DENND1C: variants seen among roughly 807,000 people sequenced by gnomAD.
DENND1C encodes the protein DENN domain containing 1C.
Under a neutral mutation model 87.9 loss-of-function variants are expected in DENND1C, and 64 were observed. The observed-to-expected ratio is 0.73, with a 90% CI of 0.60 to 0.90. The LOEUF (loss-of-function observed/expected upper bound fraction) is 0.90. DENND1C is among the 40% of genes least tolerant of loss of function. DENND1C has a pLI of 0.00. For synonymous variants in DENND1C, 384 were observed against 424.4 expected, an observed-to-expected ratio of 0.90 and a Z score of 1.17; for missense variants, 980 against 1,037.0, an observed-to-expected ratio of 0.95 and a Z score of 0.76.
chr19:6,478,630 G>T (rs138297482), intron 6 of DENND1C, among the ~76,000 whole-genome samples, 153 bp downstream of exon 6: 111 of 151,874 alleles, frequency 7.3e-4, no homozygotes, highest in African/African-American at 2.6e-3. Context: ...AGGGCTCAAG[G>T]GATCCTCCCA....
In DENND1C at chr19:6,471,426, G is replaced by A; in HGVS notation, c.1229C>T (p.Thr410Ile). ...GFSDQFEQEI[T>I]GCGASSGALR... ...CTCACCTGAGGAGGCCCCGCAGCCA[G>A]TGATCTCCTGCTCGAATTGATCTGA... The change falls in exon 16 of 23, where the codon ACT becomes ATT. Residue 410 changes from threonine to isoleucine, a missense_variant. Transcript: ENST00000381480. 6.3e-7 allele frequency: 1 copy of A among 1,587,694 alleles called. No individual in the cohort carries two copies. The highest frequency in any genetic ancestry group is 8.6e-7 in the Non-Finnish European group (1 of 1,167,034).
Position 6,472,920 on chromosome 19 carries a change from C to G in DENND1C, c.1127G>C (p.Arg376Pro). Reference protein sequence around the residue: ...KPGAPLQAFHRRAVHLQLFKQ... With the variant: ...KPGAPLQAFHPRAVHLQLFKQ... ...GAACAGCTGCAGGTGCACAGCCCGC[C>G]GGTGGAAGGCCTGCAGAGGTGCCCC... Residue 376 changes from arginine (R) to proline (P), a missense_variant, in exon 15 of 23, where the codon CGG becomes CCG. By Grantham distance (103) the Arg-to-Pro change is moderately radical. Transcript: ENST00000381480. 3.8e-6 allele frequency: 6 copies of G among 1,590,800 alleles called. No individual in the cohort carries two copies. Among genetic ancestry groups the G allele is most frequent in the Non-Finnish European group, 4.3e-6 (5 of 1,169,766 alleles).
chr19:6,475,391 C>G lies in DENND1C; in HGVS notation c.936G>C (p.Leu312=), dbSNP rs1338048444. 1 of 1,611,484 alleles carries G rather than the reference C, an allele frequency of 6.2e-7. No homozygotes were observed. Among genetic ancestry groups the G allele is most frequent in the Admixed American group, 1.7e-5 (1 of 59,806 alleles). The change falls in exon 14 of 23, where the codon CTG becomes CTC. Residue 312 remains leucine, a synonymous_variant. Coordinates refer to ENST00000381480, the MANE Select transcript of DENND1C (RefSeq NM_024898.4). The part of the protein sequence containing the change: ...VQALPPDVVS[L]LRLRLRKVAL... ...CGACCTTCCTGAGCCGGAGCCTCAG[C>G]AGGGACACCTGAAGCACAAGGGAGT...
At position 6,480,033 on chromosome 19, in the gene DENND1C, C is replaced by G; in HGVS notation, c.36G>C (p.Val12=). 1 of 1,548,190 alleles carries G rather than the reference C, an allele frequency of 6.5e-7. No individual in the cohort carries two copies. The highest frequency in any genetic ancestry group is 8.8e-7 in the Non-Finnish European group (1 of 1,141,050). Residue 12 remains valine, a synonymous_variant, in exon 2 of 23, where the codon GTG becomes GTC. Coordinates refer to ENST00000381480, the MANE Select transcript of DENND1C (RefSeq NM_024898.4). ...AGGCCGCTTCGAAGAACCAATCAAA[C>G]ACAGCAGGGGAGCCCCCTCTGTGGG... ...ESRAEGGSPA[V]FDWFFEAACP...
chr19:6,468,682 G>T, intron 20 of DENND1C, 37 bp from the exon 21 acceptor site: 1 of 1,444,658 alleles, frequency 6.9e-7, no homozygotes, highest in Non-Finnish European at 9.2e-7. Context: ...TCAGGAGACT[G>T]CAGAATCGGG....
intron 14 of DENND1C, among the ~76,000 whole-genome samples, chr19:6,473,292 C>T (rs532548238): frequency 5.0e-4 from 76 of 152,044 alleles, no homozygotes; most frequent in African/African-American, 1.8e-3. Context: ...GTAGCTGGGA[C>T]TACAGGCACG....
chr19:6,478,730 G>A, intron 6 of DENND1C, 53 bp downstream of exon 6: 1 of 1,564,016 alleles, frequency 6.4e-7, no homozygotes, highest in Non-Finnish European at 8.7e-7. Flanking sequence ...TTGGGAGGTT[G>A]AGGGGGGTGG....
At chr19:6,479,571 T>C (rs2092886206) in intron 4 of DENND1C, 98 bp downstream of exon 4, 1 of 1,493,906 alleles carries the variant, frequency 6.7e-7, no homozygotes, top group Non-Finnish European at 9.3e-7. Flanking sequence ...TCCTCGAGTG[T>C]ATGGGTTTCC....
rs373035364 is a variant in DENND1C, at chr19:6,479,737, G to C, written c.127-19C>G. The C allele has an allele frequency of 1.0e-4, 166 of 1,613,858 alleles. No individual in the cohort carries two copies. The Middle Eastern group carries it at 4.0e-3, about 38-fold the overall frequency. ...TAGCTTCCTGGAGGTGAAGAAAAGC[G>C]CAGACTGCTTGGCCACTGAGGTCGG... On this transcript the variant is annotated intron_variant, in intron 3 of 22. Coordinates refer to ENST00000381480, the MANE Select transcript of DENND1C (RefSeq NM_024898.4).
At position 6,480,070 on chromosome 19, in the gene DENND1C, G is replaced by A. The variant is rs1225295030; in HGVS notation, c.18-19C>T. On this transcript the variant is annotated intron_variant, in intron 1 of 22. Transcript: ENST00000381480. ...GCCCCCTCTGTGGGATGCAGAAGGG[G>A]TCCAGAGACTTGCTTCTATGCATGT... is the stretch of plus-strand genomic sequence containing the variant. The A allele has an allele frequency of 1.3e-6, 2 of 1,598,820 alleles. No homozygotes were observed. The highest frequency in any genetic ancestry group is 8.5e-7 in the Non-Finnish European group (1 of 1,173,762).
intron 10 of DENND1C, 97 bp downstream of exon 10, chr19:6,476,760 C>T (rs1039411618): frequency 2.1e-5 from 26 of 1,257,156 alleles, no homozygotes; most frequent in Admixed American, 1.3e-4. Flanking sequence ...TCGGGTCTCG[C>T]GCAGTAGGGT....
At chr19:6,476,738 A>C in intron 10 of DENND1C, 119 bp downstream of exon 10, 1 of 1,041,068 alleles carries the variant, frequency 9.6e-7, no homozygotes, top group East Asian at 2.6e-5. Flanking sequence ...GGGCGGGGCC[A>C]GGACTTCGCC....
chr19:6,479,171 C>T (rs2145213589), intron 4 of DENND1C, 115 bp from the exon 5 acceptor site: 1 of 1,421,522 alleles, frequency 7.0e-7, no homozygotes, highest in African/African-American at 1.4e-5. Flanking sequence ...TTGTCAGGAT[C>T]CCTGAATGTC....
At position 6,477,230 on chromosome 19, in the gene DENND1C, C is replaced by T. The variant is rs770369222; in HGVS notation, c.501G>A (p.Gly167=). The change falls in exon 8 of 23, where the codon GGG becomes GGA. Residue 167 remains glycine (G), a synonymous_variant. Coordinates refer to ENST00000381480, the MANE Select transcript of DENND1C (RefSeq NM_024898.4). ...SGQGIPPPTR[G]NSKPLSCFVA... is the part of the protein sequence containing the mutation. The stretch of plus-strand genomic sequence containing the variant: ...GAGCCCCGCTCACCGGCTTGCTATT[C>T]CCCCGGGTAGGGGGGGGGATACCCT... 1.9e-5 allele frequency: 30 copies of T among 1,584,258 alleles called. No individual in the cohort carries two copies. The South Asian group carries it at 2.6e-4, about 14-fold the overall frequency.
At position 6,468,189 on chromosome 19, in the gene DENND1C, G is replaced by A. The variant is rs569328414; in HGVS notation, c.1791+45C>T. Reference sequence around the variant, plus strand: ...GGCTGGCAAGTTGGATGGACCATTAGGGGAAGACTTGGGGTAGGGTTGGGG... The same window carrying A: ...GGCTGGCAAGTTGGATGGACCATTAAGGGAAGACTTGGGGTAGGGTTGGGG... On this transcript the variant is annotated intron_variant, in intron 22 of 22. Transcript: ENST00000381480. The A allele has an allele frequency of 2.5e-5, 41 of 1,612,478 alleles. No homozygotes were observed. In the African/African-American group the frequency reaches 3.3e-4, roughly 13 times the overall value.
At chr19:6,469,775 A>C in intron 18 of DENND1C, 135 bp from the exon 19 acceptor site, 2 of 831,468 alleles carry the variant, frequency 2.4e-6, no homozygotes, top group South Asian at 3.1e-5. Context: ...CCCCCCATAC[A>C]CCACCTAAGA....
intron 19 of DENND1C, chr19:6,469,357 T>G: frequency 2.0e-6 from 1 of 506,136 alleles, no homozygotes; most frequent in Non-Finnish European, 3.5e-6. Flanking sequence ...TGAGACAGGG[T>G]CTCTCTGTCA....
Position 6,475,898 on chromosome 19 carries a change from G to C in DENND1C, c.718C>G (p.Pro240Ala). The C allele has an allele frequency of 6.4e-7, 1 of 1,567,550 alleles. No homozygotes were observed. The highest frequency in any genetic ancestry group is 8.6e-7 in the Non-Finnish European group (1 of 1,165,860). ...ATCAGCACGTGCTCCCAGCGCATGG[G>C]GTACAGGAGCGCGCAGGACGCGTGG... ...CVHASCALLY[P>A]MRWEHVLIPT... The change falls in exon 11 of 23, where the codon CCC becomes GCC. Residue 240 changes from proline to alanine, a missense_variant. By Grantham distance (27) the Pro-to-Ala change is conservative. Coordinates refer to ENST00000381480, the MANE Select transcript of DENND1C (RefSeq NM_024898.4).
At chr19:6,473,898 G>A (rs149524326) in intron 14 of DENND1C, among the ~76,000 whole-genome samples, 2,103 of 152,138 alleles carry the variant, frequency 0.014, 49 homozygotes, top group African/African-American at 0.048. Flanking sequence ...ATAAAGCAGA[G>A]GGCTGCTTGC....
Sources: allele counts gnomAD v4.1 joint callset (sites outside exome capture counted in the v4.1 genomes callset), GRCh38; gene constraint gnomAD v4.1.1; transcripts MANE v1.5; gene names NCBI Gene and HGNC (gene_info 2026-07-23, HGNC 2026-07-21).